Variants in MDGA2 observed in about 807,000 individuals in gnomAD.
MDGA2 encodes the protein MAM domain-containing glycosylphosphatidylinositol anchor protein 2.
Under a neutral mutation model 117.8 loss-of-function variants are expected in MDGA2, and 40 were observed. That is an observed-to-expected ratio of 0.34 (90% confidence interval 0.26 to 0.44). The LOEUF is 0.44. Among genes scored for constraint, MDGA2 ranks in the 20% least tolerant of loss-of-function variants. The pLI is 1.00. For synonymous variants in MDGA2, 452 were observed against 439.0 expected (o/e 1.03, Z -0.37); for missense variants, 1,123 against 1,250.6 (o/e 0.90, Z 1.54).
chr14:47,054,812 G>A (rs1889610071), intron 7 of MDGA2, among the ~76,000 whole-genome samples: 1 of 151,696 alleles, frequency 6.6e-6, no homozygotes, highest in African/African-American at 2.4e-5. Context: ...GTAGAAAGCT[G>A]AAACTGGATC....
intron 4 of MDGA2, among the ~76,000 whole-genome samples, chr14:47,141,195 G>A (rs537520710): frequency 7.2e-5 from 11 of 152,238 alleles, no homozygotes; most frequent in Middle Eastern, 3.4e-3. Context: ...CACTGTTGGC[G>A]GGAATGCAAA....
chr14:47,359,473 G>A (rs1891066735), intron 1 of MDGA2, among the ~76,000 whole-genome samples: 2 of 151,968 alleles, frequency 1.3e-5, no homozygotes, highest in South Asian at 4.1e-4. Flanking sequence ...CGAATAAAGG[G>A]CCCAGAAACA....
At chr14:47,351,039 G>C (rs949392122) in intron 1 of MDGA2, among the ~76,000 whole-genome samples, 3 of 151,266 alleles carry the variant, frequency 2.0e-5, no homozygotes, top group African/African-American at 7.3e-5. Context: ...AGCCTCCCGA[G>C]TAGCTGGGAC....
chr14:47,184,184 T>G (rs953997453), intron 3 of MDGA2, among the ~76,000 whole-genome samples: 2 of 152,028 alleles, frequency 1.3e-5, no homozygotes, highest in Non-Finnish European at 2.9e-5. Flanking sequence ...TGCTTAAACT[T>G]CATGCTGTTT....
chr14:47,028,228 G>A (rs936479675), intron 8 of MDGA2, among the ~76,000 whole-genome samples: 1 of 151,980 alleles, frequency 6.6e-6, no homozygotes, highest in Non-Finnish European at 1.5e-5. Flanking sequence ...AAATAACTTT[G>A]AACTTACCAT....
At chr14:46,878,882 G>C (rs1882336662) in intron 11 of MDGA2, among the ~76,000 whole-genome samples, 1 of 151,996 alleles carries the variant, frequency 6.6e-6, no homozygotes, top group Admixed American at 6.6e-5. Flanking sequence ...GCTCTTACCA[G>C]ACTGAATTTT....
chr14:47,013,915 C>T (rs1887991750), intron 8 of MDGA2, among the ~76,000 whole-genome samples: 1 of 150,678 alleles, frequency 6.6e-6, no homozygotes, highest in Admixed American at 6.6e-5. Flanking sequence ...CCTGCCTCAG[C>T]CACCCAAGTA....
At chr14:47,284,892 T>C (rs1312739507) in intron 2 of MDGA2, among the ~76,000 whole-genome samples, 1 of 152,138 alleles carries the variant, frequency 6.6e-6, no homozygotes, top group African/African-American at 2.4e-5. Context: ...TCTAATAGTA[T>C]ATTAAATATA....
chr14:47,216,430 T>C (rs927309092), intron 3 of MDGA2, among the ~76,000 whole-genome samples: 10 of 152,128 alleles, frequency 6.6e-5, no homozygotes, highest in Admixed American at 6.6e-4. Context: ...ATCAAACACA[T>C]TTCCTGGGCA....
intron 10 of MDGA2, among the ~76,000 whole-genome samples, chr14:46,914,139 C>T (rs554703380): frequency 6.6e-6 from 1 of 152,140 alleles, no homozygotes; most frequent in South Asian, 2.1e-4. Flanking sequence ...ATGATGTTTA[C>T]GTTGCTTGGT....
intron 2 of MDGA2, among the ~76,000 whole-genome samples, chr14:47,286,826 C>CACACATATATATATACAT (rs1555370157): frequency 2.8e-5 from 2 of 71,928 alleles, no homozygotes; most frequent in African/African-American, 1.1e-4. Flanking sequence ...TATATATATA[C>CACACATATATATATACAT]ATATATATAT....
intron 10 of MDGA2, among the ~76,000 whole-genome samples, chr14:46,915,451 T>C (rs1448400923): frequency 1.3e-5 from 2 of 152,176 alleles, no homozygotes; most frequent in African/African-American, 2.4e-5. Context: ...ATAAATATAG[T>C]GTATCAATAA....
intron 1 of MDGA2, among the ~76,000 whole-genome samples, chr14:47,442,505 T>C (rs191163890): frequency 6.6e-6 from 1 of 152,258 alleles, no homozygotes; most frequent in Non-Finnish European, 1.5e-5. Flanking sequence ...GAAATCTCAC[T>C]GGAGATGAGG....
At chr14:47,190,975 A>ACATT (rs758136293) in intron 3 of MDGA2, among the ~76,000 whole-genome samples, 48 of 152,068 alleles carry the variant, frequency 3.2e-4, no homozygotes, top group Admixed American at 6.6e-5. Flanking sequence ...TTTTCGGGAG[A>ACATT]CATTCATTCA....
At chr14:47,005,055 GAC>G in intron 8 of MDGA2, among the ~76,000 whole-genome samples, 1 of 151,626 alleles carries the variant, frequency 6.6e-6, no homozygotes, top group East Asian at 1.9e-4. Context: ...TGTGAATAAA[GAC>G]AGTTTATTTC....
intron 1 of MDGA2, among the ~76,000 whole-genome samples, chr14:47,473,307 G>T (rs1352344028): frequency 2.6e-5 from 4 of 152,058 alleles, no homozygotes; most frequent in Admixed American, 2.0e-4. Context: ...AGTATGACAG[G>T]TTCCAAAAAT....
chr14:47,308,208 G>C (rs1222766764), intron 1 of MDGA2, among the ~76,000 whole-genome samples: 2 of 152,094 alleles, frequency 1.3e-5, no homozygotes, highest in African/African-American at 4.8e-5. Flanking sequence ...ATCTCAGTAG[G>C]TCAAATCAAG....
At chr14:46,874,221 A>G (rs749446116) in intron 12 of MDGA2, 21 bp from the exon 13 acceptor site, 2 of 1,183,768 alleles carry the variant, frequency 1.7e-6, no homozygotes, top group Non-Finnish European at 2.2e-6. Context: ...ATTTTAATTA[A>G]ATTAATATTA....
At chr14:47,630,746 T>C (rs768491639) in intron 1 of MDGA2, among the ~76,000 whole-genome samples, 3 of 152,164 alleles carry the variant, frequency 2.0e-5, no homozygotes, top group Non-Finnish European at 4.4e-5. Flanking sequence ...ATGAAGTCAA[T>C]ACAACTATCC....
Sources: allele counts gnomAD v4.1 joint callset (sites outside exome capture counted in the v4.1 genomes callset), GRCh38; gene constraint gnomAD v4.1.1; transcripts MANE v1.5; gene names NCBI Gene and HGNC (gene_info 2026-07-23, HGNC 2026-07-21).